The following DACH2 variants were observed in gnomAD, a reference collection of about 807,000 sequenced individuals.
DACH2 encodes dachshund family transcription factor 2, also known as dachshund homolog 2.
Under a neutral mutation model 35.8 loss-of-function variants are expected in DACH2, and 17 were observed. The observed-to-expected ratio is 0.48, with a 90% confidence interval of 0.33 to 0.71. The LOEUF is 0.71. DACH2 is among the 30% of genes least tolerant of loss of function. The probability of loss-of-function intolerance (pLI) is 0.02; values close to 1 mark genes in which losing one functional copy is unlikely to be tolerated. For synonymous variants in DACH2, 195 were observed against 177.3 expected, an observed-to-expected ratio of 1.10 and a Z score of -0.79; for missense variants, 469 against 472.7, an observed-to-expected ratio of 0.99 and a Z score of 0.07.
intron 4 of DACH2, among the ~76,000 whole-genome samples, chrX:86,677,564 T>C (rs759371255): frequency 8.9e-6 from 1 of 111,955 alleles, no homozygotes; most frequent in Admixed American, 9.5e-5. Flanking sequence ...AATTTGGGTA[T>C]TTGGAGGTGG....
chrX:86,550,296 A>C (rs2148310685), intron 3 of DACH2, among the ~76,000 whole-genome samples: 1 of 111,694 alleles, frequency 9.0e-6, no homozygotes, highest in East Asian at 2.8e-4. Flanking sequence ...ATTTTGCAGT[A>C]TCTTATAGGA....
chrX:86,727,877 G>T (rs776866006), intron 6 of DACH2, among the ~76,000 whole-genome samples: 2 of 111,851 alleles, frequency 1.8e-5, no homozygotes, highest in East Asian at 5.6e-4. Context: ...TTATAGCGAC[G>T]CAAGAAAGGC....
At chrX:86,175,625 A>G (rs1209629765) in intron 1 of DACH2, among the ~76,000 whole-genome samples, 3 of 111,980 alleles carry the variant, frequency 2.7e-5, no homozygotes, top group Admixed American at 1.9e-4. Flanking sequence ...GTTGTGTGAC[A>G]GAAGAGTATT....
intron 2 of DACH2, among the ~76,000 whole-genome samples, chrX:86,401,517 G>A (rs775959598): frequency 1.8e-5 from 2 of 111,728 alleles, no homozygotes; most frequent in East Asian, 2.8e-4. Flanking sequence ...GGCCATCTTG[G>A]CTCCACCTAT....
At chrX:86,268,490 ATTTATTTTATTTTAT>A (rs200042636) in intron 1 of DACH2, among the ~76,000 whole-genome samples, 10,383 of 77,081 alleles carry the variant, frequency 0.13, 774 homozygotes, top group Admixed American at 0.27. Flanking sequence ...CATTTAAAAC[ATTTATTTTATTTTAT>A]TTTATTTTAT....
intron 3 of DACH2, among the ~76,000 whole-genome samples, chrX:86,529,606 G>A (rs954734289): frequency 9.2e-6 from 1 of 109,239 alleles, no homozygotes; most frequent in Non-Finnish European, 1.9e-5. Flanking sequence ...CTGAGTAGCT[G>A]GGACTACAGG....
chrX:86,574,591 T>C (rs1222741072), intron 3 of DACH2, among the ~76,000 whole-genome samples: 2 of 111,758 alleles, frequency 1.8e-5, no homozygotes, highest in Non-Finnish European at 1.9e-5. Flanking sequence ...TATCTGTGCC[T>C]GGACAAGTAT....
chrX:86,773,158 A>G (rs1412050220), intron 7 of DACH2, among the ~76,000 whole-genome samples: 3 of 112,140 alleles, frequency 2.7e-5, no homozygotes, highest in Non-Finnish European at 3.8e-5. Context: ...TTAATCCAGT[A>G]GAACCTATTT....
intron 2 of DACH2, among the ~76,000 whole-genome samples, chrX:86,477,708 G>GT (rs1264087500): frequency 9.1e-6 from 1 of 110,151 alleles, no homozygotes; most frequent in Non-Finnish European, 1.9e-5. Context: ...TTTATTATTT[G>GT]TTTTTTGATG....
intron 1 of DACH2, among the ~76,000 whole-genome samples, chrX:86,266,150 AAC>A (rs2147967076): frequency 9.0e-6 from 1 of 111,208 alleles, no homozygotes; most frequent in South Asian, 3.8e-4. Flanking sequence ...GGTTTGTTAA[AAC>A]ACAGATTGCT....
chrX:86,397,792 C>T (rs907867396), intron 2 of DACH2, among the ~76,000 whole-genome samples: 1 of 111,640 alleles, frequency 9.0e-6, no homozygotes, highest in Non-Finnish European at 1.9e-5. Context: ...ATTCGGTTTG[C>T]CATATTATAT....
At chrX:86,205,733 C>G (rs1374498233) in intron 1 of DACH2, among the ~76,000 whole-genome samples, 4 of 105,448 alleles carry the variant, frequency 3.8e-5, no homozygotes, top group African/African-American at 1.4e-4. Context: ...GCTATTTTTT[C>G]TTTTGTAAAT....
chrX:86,792,779 T>G (rs1348320033), intron 7 of DACH2, among the ~76,000 whole-genome samples: 1 of 111,996 alleles, frequency 8.9e-6, no homozygotes, highest in East Asian at 2.8e-4. Flanking sequence ...CATCCCTTGA[T>G]GGACACTTTG....
intron 7 of DACH2, among the ~76,000 whole-genome samples, chrX:86,753,055 TACACAC>T (rs752782082): frequency 2.4e-5 from 1 of 41,998 alleles, no homozygotes; most frequent in Non-Finnish European, 4.8e-5. Flanking sequence ...TTATTAAAAG[TACACAC>T]ACACACACAC....
At chrX:86,714,869 A>T in intron 6 of DACH2, 149 bp downstream of exon 6, 1 of 439,657 alleles carries the variant, frequency 2.3e-6, no homozygotes, top group Non-Finnish European at 3.6e-6. Context: ...GTTTGTGACT[A>T]GGCCTGCCAG....
intron 2 of DACH2, among the ~76,000 whole-genome samples, chrX:86,484,416 G>T (rs1300619689): frequency 1.8e-5 from 2 of 111,510 alleles, no homozygotes; most frequent in East Asian, 5.6e-4. Flanking sequence ...TCAGCACCCT[G>T]GGAAAGGCAT....
chrX:86,292,266 G>T (rs1182885160), intron 1 of DACH2, among the ~76,000 whole-genome samples: 1 of 50,639 alleles, frequency 2.0e-5, no homozygotes, highest in African/African-American at 1.2e-4. Context: ...GGGATCGGTG[G>T]TGATATCCCC....
chrX:86,294,775 C>T (rs1403325923), intron 1 of DACH2, among the ~76,000 whole-genome samples: 5 of 109,076 alleles, frequency 4.6e-5, no homozygotes, highest in Non-Finnish European at 9.5e-5. Context: ...GCAGTCTGCC[C>T]GTTCTCAGAT....
At chrX:86,603,326 A>G (rs2039815741) in intron 3 of DACH2, among the ~76,000 whole-genome samples, 1 of 111,274 alleles carries the variant, frequency 9.0e-6, no homozygotes, top group African/African-American at 3.3e-5. Context: ...ACTGAGGGTT[A>G]GGATTTCAAC....
Sources: allele counts gnomAD v4.1 joint callset (sites outside exome capture counted in the v4.1 genomes callset), GRCh38; gene constraint gnomAD v4.1.1; transcripts MANE v1.5; gene names NCBI Gene and HGNC (gene_info 2026-07-23, HGNC 2026-07-21).